ELP3: variants seen among roughly 807,000 people sequenced by gnomAD.
The protein encoded by ELP3 is elongator complex protein 3.
A neutral mutation model predicts 74.9 loss-of-function variants in ELP3; 56 were observed. That is an observed-to-expected ratio of 0.75 (90% CI 0.60 to 0.93). ELP3 has a LOEUF of 0.93. Among genes scored for constraint, ELP3 ranks in the 40% least tolerant of loss-of-function variants. ELP3 has a pLI of 0.00. For missense variants in ELP3, 573 were observed against 686.5 expected (o/e 0.83, Z 1.85); for synonymous variants, 222 against 239.8 (o/e 0.93, Z 0.68).
Position 28,093,149 on chromosome 8 carries a change from T to A in ELP3, c.-66T>A. On this transcript the variant is annotated 5_prime_UTR_variant, in exon 1 of 15. Coordinates refer to ENST00000256398, the MANE Select transcript of ELP3 (RefSeq NM_018091.6). The stretch of plus-strand genomic sequence containing the variant: ...GCGGGATTGTTTTGTGGCTGTCAGC[T>A]TTCCCCGTGGTCTGAGTTTGTGGCT... 1 of 1,597,608 alleles carries A rather than the reference T, an allele frequency of 6.3e-7. No individual in the cohort carries two copies. Among genetic ancestry groups the A allele is most frequent in the East Asian group, 2.3e-5 (1 of 44,332 alleles).
chr8:28,116,443 C>G (rs962751985), intron 7 of ELP3, among the ~76,000 whole-genome samples: 1 of 152,110 alleles, frequency 6.6e-6, no homozygotes, highest in African/African-American at 2.4e-5. Flanking sequence ...ACTGCTCGTT[C>G]AAAACTGATC....
At chr8:28,116,457 A>C (rs1410165316) in intron 7 of ELP3, among the ~76,000 whole-genome samples, 1 of 152,188 alleles carries the variant, frequency 6.6e-6, no homozygotes, top group African/African-American at 2.4e-5. Context: ...ACTGATCAAG[A>C]GGCCGGGCGT....
Position 28,131,019 on chromosome 8 carries a change from A to G in ELP3, c.780-1259A>G, listed in dbSNP as rs576049569. Among the ~76,000 whole-genome samples, 13 of 152,342 alleles carry G rather than the reference A, an allele frequency of 8.5e-5. No homozygotes were observed. In the East Asian group the frequency reaches 1.2e-3, roughly 14 times the overall value. On this transcript the variant is annotated intron_variant, in intron 8 of 14. Transcript: ENST00000256398. ...TGGAGCATATCTGCAGCTTAGAAAG[A>G]TCGCTTACAGTGTAAGGGGCAGTCA...
At chr8:28,112,700 C>A (rs1379658809) in intron 6 of ELP3, 2 of 182,692 alleles carry the variant, frequency 1.1e-5, no homozygotes, top group East Asian at 2.7e-4. Flanking sequence ...TACTGTTTTG[C>A]AAATTGTATT....
intron 14 of ELP3, among the ~76,000 whole-genome samples, chr8:28,162,463 A>G (rs2130556894): frequency 6.6e-6 from 1 of 152,340 alleles, no homozygotes; most frequent in African/African-American, 2.4e-5. Context: ...AGAAATTAAA[A>G]TAGAACCTCA....
chr8:28,156,088 A>G, intron 11 of ELP3, 56 bp downstream of exon 11: 1 of 1,462,822 alleles, frequency 6.8e-7, no homozygotes, highest in East Asian at 2.3e-5. Flanking sequence ...GAAATCTGAA[A>G]CACGAAAGAC....
At chr8:28,161,437 G>T (rs1350227027) in intron 13 of ELP3, among the ~76,000 whole-genome samples, 1 of 152,030 alleles carries the variant, frequency 6.6e-6, no homozygotes, top group Non-Finnish European at 1.5e-5. Flanking sequence ...AGCTGGGCGT[G>T]GCGGCACGTG....
At chr8:28,127,547 A>G (rs1812627855) in intron 7 of ELP3, among the ~76,000 whole-genome samples, 1 of 151,760 alleles carries the variant, frequency 6.6e-6, no homozygotes, top group African/African-American at 2.4e-5. Flanking sequence ...ATTTATTTTT[A>G]TTTGAAAAAT....
chr8:28,134,869 GC>G (rs1372541011), intron 9 of ELP3, among the ~76,000 whole-genome samples: 2 of 149,446 alleles, frequency 1.3e-5, no homozygotes, highest in Non-Finnish European at 3.0e-5. Context: ...GTTTTGGTTG[GC>G]CCCTTAATGT....
rs556954338 is a variant in ELP3 at position 28,147,227 on chromosome 8, T to A, written c.1101-8715T>A. On this transcript the variant is annotated intron_variant, in intron 10 of 14. Transcript: ENST00000256398. The surrounding 1 kb of genome is among the most constrained non-coding windows in gnomAD (Gnocchi z 4.5). Reference sequence around the variant, plus strand: ...TTAATGTCTTTTGAAAGTACCAGTTTGTTATTAAAAATATTTGTAGAGATC... The same window carrying A: ...TTAATGTCTTTTGAAAGTACCAGTTAGTTATTAAAAATATTTGTAGAGATC... 3.3e-5 allele frequency among the ~76,000 whole-genome samples: 5 copies of A among 152,178 alleles called. No homozygotes were observed. The highest frequency in any genetic ancestry group is 1.2e-4 in the African/African-American group (5 of 41,436).
chr8:28,175,025 A>G (rs1254666079), intron 14 of ELP3, among the ~76,000 whole-genome samples: 1 of 152,112 alleles, frequency 6.6e-6, no homozygotes, highest in Non-Finnish European at 1.5e-5. Context: ...CTAATTGAGG[A>G]TTCCTTCTAT....
Position 28,106,784 on chromosome 8 carries a change from G to A in ELP3, c.329+1G>A. ...TCAGTTTTACAGGAAATATATGTGTGTAAGTATGGTGATTTTATTAAATTG... is the reference window on the plus strand; with the variant it reads ...TCAGTTTTACAGGAAATATATGTGTATAAGTATGGTGATTTTATTAAATTG... On this transcript the variant is annotated splice_donor_variant, in intron 4 of 14. Transcript: ENST00000256398. LOFTEE classifies it high-confidence loss of function. The A allele has an allele frequency of 6.2e-7, 1 of 1,610,280 alleles. No individual in the cohort carries two copies. Among genetic ancestry groups the A allele is most frequent in the Non-Finnish European group, 8.5e-7 (1 of 1,177,964 alleles).
In ELP3 at chr8:28,163,910, A is replaced by G. The variant is rs766800060; in HGVS notation, c.1567+1832A>G. Among the ~76,000 whole-genome samples the G allele has an allele frequency of 2.0e-5, 3 of 152,294 alleles. No individual in the cohort carries two copies. The South Asian group carries it at 6.2e-4, about 32-fold the overall frequency. ...GGGGCCTGTGCTCCCAGGTGATACC[A>G]TGCTGTCTTCAGACCACACTTTGTA... is the stretch of plus-strand genomic sequence containing the variant. On this transcript the variant is annotated intron_variant, in intron 14 of 14. Transcript: ENST00000256398.
chr8:28,129,368 C>T (rs1279291110), intron 7 of ELP3, 134 bp from the exon 8 acceptor site: 1 of 832,186 alleles, frequency 1.2e-6, no homozygotes, highest in African/African-American at 1.7e-5. Context: ...GATTTGAACT[C>T]AGGCAGCCTG....
intron 14 of ELP3, among the ~76,000 whole-genome samples, chr8:28,185,803 G>A (rs922415951): frequency 4.6e-5 from 7 of 152,172 alleles, no homozygotes; most frequent in Non-Finnish European, 7.3e-5. Flanking sequence ...GAAGGGTCTG[G>A]GCAGGAAAGA....
At chr8:28,129,734 G>C in intron 8 of ELP3, 71 bp downstream of exon 8, 1 of 1,573,684 alleles carries the variant, frequency 6.4e-7, no homozygotes. Flanking sequence ...TTCATACCCA[G>C]CCTTTCTTCC....
intron 7 of ELP3, among the ~76,000 whole-genome samples, chr8:28,114,554 G>A (rs1812048460): frequency 6.6e-6 from 1 of 152,114 alleles, no homozygotes; most frequent in African/African-American, 2.4e-5. Flanking sequence ...TGAAACAACT[G>A]AGCGAGAACT....
At chr8:28,094,746 A>T (rs1179864957) in intron 1 of ELP3, among the ~76,000 whole-genome samples, 6 of 148,344 alleles carry the variant, frequency 4.0e-5, no homozygotes, top group African/African-American at 1.5e-4. Flanking sequence ...TGTCTCAAAA[A>T]GAAAAAGAAA....
intron 14 of ELP3, among the ~76,000 whole-genome samples, chr8:28,176,550 T>C (rs1205707917): frequency 2.6e-5 from 4 of 152,184 alleles, no homozygotes; most frequent in Non-Finnish European, 4.4e-5. Context: ...AGCCTCTCCC[T>C]CATCAGACAC....
Sources: allele counts gnomAD v4.1 joint callset (sites outside exome capture counted in the v4.1 genomes callset), GRCh38; gene constraint gnomAD v4.1.1; non-coding constraint Gnocchi (gnomAD v3.1); transcripts MANE v1.5; gene names NCBI Gene and HGNC (gene_info 2026-07-23, HGNC 2026-07-21).